LRMDA: variants seen among roughly 807,000 people sequenced by gnomAD.
LRMDA encodes the protein leucine rich melanocyte differentiation associated, also known as leucine-rich melanocyte differentiation-associated protein.
A neutral mutation model predicts 29.8 loss-of-function variants in LRMDA; 18 were observed. The ratio of observed to expected loss-of-function variants is 0.60; its 90% confidence interval spans 0.42 to 0.90. The LOEUF (loss-of-function observed/expected upper bound fraction) is 0.90. Among genes scored for constraint, LRMDA ranks in the 40% least tolerant of loss-of-function variants. The pLI is 0.00. For synonymous variants in LRMDA, 125 were observed against 109.4 expected (o/e 1.14, Z -0.89); for missense variants, 273 against 273.9 (o/e 1.00, Z 0.02).
chr10:76,504,832 C>T (rs1274506863), intron 6 of LRMDA, among the ~76,000 whole-genome samples: 4 of 151,790 alleles, frequency 2.6e-5, no homozygotes, highest in African/African-American at 9.7e-5. Flanking sequence ...AGATTTTGAC[C>T]CTGTCATCAT....
At chr10:76,129,472 G>T (rs1849946836) in intron 5 of LRMDA, among the ~76,000 whole-genome samples, 1 of 152,206 alleles carries the variant, frequency 6.6e-6, no homozygotes, top group South Asian at 2.1e-4. Context: ...GACCTTTAGT[G>T]TGGACAGAGC....
intron 2 of LRMDA, among the ~76,000 whole-genome samples, chr10:75,696,568 T>C (rs1161998311): frequency 6.6e-6 from 1 of 152,244 alleles, no homozygotes; most frequent in African/African-American, 2.4e-5. Flanking sequence ...GCTTTAGCGG[T>C]ACATGATTGG....
chr10:76,419,702 T>C (rs1249744166), intron 6 of LRMDA, among the ~76,000 whole-genome samples: 1 of 152,124 alleles, frequency 6.6e-6, no homozygotes, highest in African/African-American at 2.4e-5. Context: ...CATTCCTTAC[T>C]TATTTTCCAC....
At chr10:76,058,642 T>C (rs1848653643) in intron 4 of LRMDA, 24 bp from the exon 5 acceptor site, 1 of 1,587,400 alleles carries the variant, frequency 6.3e-7, no homozygotes, top group Non-Finnish European at 8.7e-7. Context: ...ACTTCCTGAG[T>C]TGTCTCTGAC....
At chr10:75,620,350 A>T (rs1424866983) in intron 2 of LRMDA, among the ~76,000 whole-genome samples, 1 of 152,252 alleles carries the variant, frequency 6.6e-6, no homozygotes, top group Non-Finnish European at 1.5e-5. Context: ...AGAACATTTC[A>T]TTAAAAAATA....
At chr10:75,588,623 G>T (rs1022021067) in intron 2 of LRMDA, among the ~76,000 whole-genome samples, 16 of 151,962 alleles carry the variant, frequency 1.1e-4, no homozygotes, top group Non-Finnish European at 1.9e-4. Context: ...TTTATTTATT[G>T]TTTATCAGTT....
At chr10:76,278,565 C>T (rs1358102908) in intron 5 of LRMDA, among the ~76,000 whole-genome samples, 1 of 152,194 alleles carries the variant, frequency 6.6e-6, no homozygotes, top group Non-Finnish European at 1.5e-5. Flanking sequence ...AACAAGATAA[C>T]CTGACAGTCA....
chr10:76,319,510 A>T (rs923514989), intron 5 of LRMDA, among the ~76,000 whole-genome samples: 1 of 152,120 alleles, frequency 6.6e-6, no homozygotes, highest in Non-Finnish European at 1.5e-5. Flanking sequence ...CTTCATAACC[A>T]CTATTAATCA....
intron 2 of LRMDA, among the ~76,000 whole-genome samples, chr10:75,774,503 T>C (rs924779026): frequency 6.6e-6 from 1 of 152,150 alleles, no homozygotes; most frequent in African/African-American, 2.4e-5. Context: ...TATGACATAT[T>C]GTTAGATATT....
chr10:75,846,144 G>A (rs1589226604), intron 2 of LRMDA, among the ~76,000 whole-genome samples: 3 of 149,856 alleles, frequency 2.0e-5, no homozygotes, highest in Admixed American at 6.7e-5. Flanking sequence ...TTGCAGAAAC[G>A]CTGTTGCTTT....
chr10:76,467,421 A>C (rs1842575385), intron 6 of LRMDA, among the ~76,000 whole-genome samples: 1 of 152,210 alleles, frequency 6.6e-6, no homozygotes. Context: ...ATTTTAATGC[A>C]GTTGCATTCT....
chr10:75,709,075 C>T (rs1345790665), intron 2 of LRMDA, among the ~76,000 whole-genome samples: 1 of 152,130 alleles, frequency 6.6e-6, no homozygotes, highest in Non-Finnish European at 1.5e-5. Context: ...GCATGGATTC[C>T]CTCGCCCCAC....
intron 6 of LRMDA, among the ~76,000 whole-genome samples, chr10:76,389,242 T>C (rs1354815048): frequency 6.6e-6 from 1 of 152,078 alleles, no homozygotes; most frequent in Admixed American, 6.6e-5. Flanking sequence ...ATTCAGGCAA[T>C]TGCAAGTTGC....
chr10:76,341,654 A>C (rs944907645), intron 6 of LRMDA, among the ~76,000 whole-genome samples: 1 of 152,186 alleles, frequency 6.6e-6, no homozygotes, highest in Non-Finnish European at 1.5e-5. Context: ...CTGGGGCCTC[A>C]ATAAAAGACT....
chr10:75,975,827 T>C (rs1445768844), intron 2 of LRMDA, among the ~76,000 whole-genome samples: 1 of 152,184 alleles, frequency 6.6e-6, no homozygotes, highest in Non-Finnish European at 1.5e-5. Flanking sequence ...TCTTTCTTTC[T>C]TTCCTTCACC....
chr10:75,766,813 GC>G (rs891087370), intron 2 of LRMDA, among the ~76,000 whole-genome samples: 9 of 151,780 alleles, frequency 5.9e-5, no homozygotes, highest in African/African-American at 2.2e-4. Context: ...TCCAAGACGG[GC>G]CCCGGTGTGT....
At chr10:76,125,943 A>G (rs1849874576) in intron 5 of LRMDA, among the ~76,000 whole-genome samples, 2 of 152,228 alleles carry the variant, frequency 1.3e-5, no homozygotes, top group African/African-American at 4.8e-5. Context: ...TAGGGGGCTT[A>G]AGGAAAGGCA....
chr10:75,499,121 T>C (rs1280259770), intron 2 of LRMDA, among the ~76,000 whole-genome samples: 1 of 152,084 alleles, frequency 6.6e-6, no homozygotes, highest in East Asian at 1.9e-4. Context: ...CCCTCTGAAA[T>C]TCCTCCTCCT....
chr10:76,164,433 A>C (rs1389191046), intron 5 of LRMDA, among the ~76,000 whole-genome samples: 1 of 152,242 alleles, frequency 6.6e-6, no homozygotes, highest in Non-Finnish European at 1.5e-5. Context: ...TTGGCAAATT[A>C]CAGCCCATAA....
Sources: allele counts gnomAD v4.1 joint callset (sites outside exome capture counted in the v4.1 genomes callset), GRCh38; gene constraint gnomAD v4.1.1; transcripts MANE v1.5; gene names NCBI Gene and HGNC (gene_info 2026-07-23, HGNC 2026-07-21).